The following USP20 variants were observed in gnomAD, a reference collection of about 807,000 sequenced individuals.
USP20 encodes ubiquitin carboxyl-terminal hydrolase 20.
USP20 carries 80 observed loss-of-function variants against 124.2 expected under a neutral mutation model. That is an observed-to-expected ratio of 0.64 (90% CI 0.54 to 0.78). The LOEUF (loss-of-function observed/expected upper bound fraction) is 0.78. Ranked by LOEUF, USP20 falls within the 30% of genes least tolerant of loss-of-function variation. The probability of loss-of-function intolerance (pLI) is 0.00; values close to 1 mark genes in which losing one functional copy is unlikely to be tolerated. For missense variants in USP20, 1,043 were observed against 1,244.4 expected (o/e 0.84, Z 2.44); for synonymous variants, 481 against 512.3 (o/e 0.94, Z 0.83).
chr9:129,861,426 C>G, intron 7 of USP20, 117 bp from the exon 8 acceptor site: 1 of 899,984 alleles, frequency 1.1e-6, no homozygotes, highest in Non-Finnish European at 1.8e-6. Flanking sequence ...TCCACCATGT[C>G]CTCTTCTTGG....
Position 129,852,568 on chromosome 9 carries a change from A to G in USP20, c.13A>G (p.Arg5Gly), listed in dbSNP as rs1192905253. 5 of 1,597,190 alleles carry G rather than the reference A, an allele frequency of 3.1e-6. No individual in the cohort carries two copies. The African/African-American group carries it at 5.4e-5, about 17-fold the overall frequency. The stretch of plus-strand genomic sequence containing the variant: ...AGCCCAGGCCAGGATGGGGGACTCC[A>G]GGGACCTTTGCCCTCACCTTGACTC... MGDSRDLCPHLDSIG... is the reference protein window; with the variant it reads MGDSGDLCPHLDSIG... Residue 5 changes from arginine (R) to glycine (G), a missense_variant, in exon 3 of 26, where the codon AGG becomes GGG. By Grantham distance (125) the Arg-to-Gly change is moderately radical (BLOSUM62 -2). Transcript: ENST00000372429.
chr9:129,862,712 C>G (rs2033612750), intron 8 of USP20, among the ~76,000 whole-genome samples: 1 of 151,988 alleles, frequency 6.6e-6, no homozygotes, highest in Non-Finnish European at 1.5e-5. Context: ...TCAAGACCAG[C>G]CTGGCCAACT....
In USP20 at chr9:129,865,371, A is replaced by G. The variant is rs1167688106; in HGVS notation, c.680A>G (p.Tyr227Cys). ...TTGGTCAACCCAATGTTCCGAGGCT[A>G]TGCCCAGCAGGTAAGCCATCTGAGC... ...IKLVNPMFRG[Y>C]AQQDTQEFLR... The change falls in exon 10 of 26, where the codon TAT becomes TGT. Residue 227 changes from tyrosine to cysteine, a missense_variant. Transcript: ENST00000372429. 8.1e-6 allele frequency: 13 copies of G among 1,614,062 alleles called. No homozygotes were observed. The highest frequency in any genetic ancestry group is 2.2e-5 in the East Asian group (1 of 44,896).
At chr9:129,869,077 GC>G (rs2033981836) in intron 12 of USP20, 75 bp downstream of exon 12, 1 of 1,498,296 alleles carries the variant, frequency 6.7e-7, no homozygotes, top group Non-Finnish European at 8.9e-7. Context: ...CTTTCTCATG[GC>G]CCCCTGTGGC....
intron 1 of USP20, among the ~76,000 whole-genome samples, chr9:129,847,605 T>G (rs2131042150): frequency 6.6e-6 from 1 of 152,294 alleles, no homozygotes; most frequent in South Asian, 2.1e-4. Context: ...CTGGCCTCAT[T>G]CTGATTTAAA....
At chr9:129,871,689 G>A (rs1278822280) in intron 15 of USP20, among the ~76,000 whole-genome samples, 1 of 152,122 alleles carries the variant, frequency 6.6e-6, no homozygotes, top group Non-Finnish European at 1.5e-5. Context: ...GGTATGAGGT[G>A]GTATCTCATT....
chr9:129,870,045 TC>T, intron 14 of USP20: 1 of 653,878 alleles, frequency 1.5e-6, no homozygotes, highest in East Asian at 2.8e-5. Context: ...GATTGGATAG[TC>T]CCTTGGAGCT....
chr9:129,878,529 T>C (rs1304461484), intron 23 of USP20, 89 bp downstream of exon 23: 1 of 1,212,318 alleles, frequency 8.2e-7, no homozygotes, highest in Non-Finnish European at 1.1e-6. Context: ...ACACAGGGGC[T>C]CCTGCAGGCC....
chr9:129,874,576 A>T lies in USP20; in HGVS notation c.1741A>T (p.Ile581Phe). 6.2e-7 allele frequency: 1 copy of T among 1,613,532 alleles called. No homozygotes were observed. Residue 581 changes from isoleucine to phenylalanine, a missense_variant and splice_region_variant, in exon 18 of 26, where the codon ATC (isoleucine) becomes TTC (phenylalanine). By Grantham distance (21) the Ile-to-Phe change is conservative. Transcript: ENST00000372429. ...KYCKVLRLPE[I>F]LCIHLKRFRH... ...ACCGGCGCTCTCTCTGTCCCCGCAG[A>T]TCCTGTGCATTCACCTAAAGCGCTT...
intron 4 of USP20, 134 bp downstream of exon 4, chr9:129,856,494 C>A: frequency 1.9e-6 from 2 of 1,072,916 alleles, no homozygotes; most frequent in Non-Finnish European, 2.8e-6. Flanking sequence ...AAACCTTGGG[C>A]TGGGGCACAG....
chr9:129,859,858 G>A (rs977638224), intron 6 of USP20, among the ~76,000 whole-genome samples: 2 of 152,078 alleles, frequency 1.3e-5, no homozygotes, highest in Non-Finnish European at 2.9e-5. Flanking sequence ...AACAGCGTGA[G>A]ACCCTGTCTC....
At chr9:129,875,774 C>G (rs1379920604) in intron 21 of USP20, 133 bp downstream of exon 21, 2 of 821,208 alleles carry the variant, frequency 2.4e-6, no homozygotes, top group Non-Finnish European at 3.8e-6. Flanking sequence ...CAGCACAGAG[C>G]CGCCTTCACT....
Position 129,839,230 on chromosome 9 carries a change from G to A in USP20, c.-129+3731G>A, listed in dbSNP as rs2032052753. Among the ~76,000 whole-genome samples the A allele has an allele frequency of 6.6e-6, 1 of 152,220 alleles. No individual in the cohort carries two copies. Among genetic ancestry groups the A allele is most frequent in the East Asian group, 1.9e-4 (1 of 5,194 alleles). On this transcript the variant is annotated intron_variant, in intron 1 of 25. Coordinates refer to ENST00000372429, the MANE Select transcript of USP20 (RefSeq NM_001110303.4). This position sits in a 1 kb window ranked among gnomAD's most constrained non-coding sequence, Gnocchi z 4.5. Reference sequence around the variant, plus strand: ...CTGAGCCTCGGTGTCTCCATTGTTAGTGATGGAGATGGATTTAGTTTGGAA... The same window carrying A: ...CTGAGCCTCGGTGTCTCCATTGTTAATGATGGAGATGGATTTAGTTTGGAA...
In USP20 at chr9:129,868,131, G is replaced by T. The variant is rs745953204; in HGVS notation, c.817G>T (p.Glu273Ter). 1 of 1,614,212 alleles carries T rather than the reference G, an allele frequency of 6.2e-7. No individual in the cohort carries two copies. The highest frequency in any genetic ancestry group is 8.5e-7 in the Non-Finnish European group (1 of 1,180,022). The change falls in exon 11 of 26, where the codon GAG (glutamate) becomes TAG (stop). Residue 273 changes from glutamate to a stop codon, truncating the protein, a stop_gained. Coordinates refer to ENST00000372429, the MANE Select transcript of USP20 (RefSeq NM_001110303.4). LOFTEE classifies it high-confidence loss of function. ...SDSSDTDEKR[E>*]GDRSPSEDEF... is the part of the protein sequence containing the mutation. ...TTCGAGTGACACGGATGAGAAACGG[G>T]AGGGTGACCGGAGCCCATCAGAAGA... is the stretch of plus-strand genomic sequence containing the variant.
At chr9:129,840,497 G>T (rs1405495701) in intron 1 of USP20, among the ~76,000 whole-genome samples, 2 of 152,204 alleles carry the variant, frequency 1.3e-5, no homozygotes, top group Admixed American at 1.3e-4. Context: ...GTGAGAAAGG[G>T]AATCTATTTT....
chr9:129,852,643 G>A lies in USP20; in HGVS notation c.81+7G>A. The A allele has an allele frequency of 1.9e-6, 3 of 1,582,668 alleles. No homozygotes were observed. The highest frequency in any genetic ancestry group is 1.2e-5 in the South Asian group (1 of 86,714). On this transcript the variant is annotated splice_region_variant and intron_variant, in intron 3 of 25. Coordinates refer to ENST00000372429, the MANE Select transcript of USP20 (RefSeq NM_001110303.4). ...CTTGCTGCTCAAATCTAAGGTAAAG[G>A]GTCAGACCTTACGGGGCCAGGGCCC...
Position 129,875,451 on chromosome 9 carries a change from C to T in USP20, c.2190C>T (p.Thr730=). The T allele has an allele frequency of 6.2e-7, 1 of 1,613,590 alleles. No homozygotes were observed. Residue 730 remains threonine (T), a synonymous_variant, in exon 20 of 26, where the codon ACC becomes ACT. Coordinates refer to ENST00000372429, the MANE Select transcript of USP20 (RefSeq NM_001110303.4). The stretch of plus-strand genomic sequence containing the variant: ...CCTTCGCGGAGCCAGGCCCCATCAC[C>T]AACCAGACCTTCCTCTGCTCCCACG... ...FNTFAEPGPI[T]NQTFLCSHGG...
intron 1 of USP20, among the ~76,000 whole-genome samples, chr9:129,842,443 T>G (rs536595517): frequency 7.2e-5 from 11 of 152,256 alleles, no homozygotes; most frequent in Non-Finnish European, 1.5e-4. Context: ...CCTGGCTGTT[T>G]CCCAGCACCC....
intron 21 of USP20, 120 bp from the exon 22 acceptor site, chr9:129,876,010 A>G: frequency 1.2e-6 from 1 of 864,860 alleles, no homozygotes; most frequent in Admixed American, 2.5e-5. Context: ...AGGTGCATGC[A>G]GGCCTGCGAC....
Sources: gnomAD v4.1 joint callset for allele counts (sites outside exome capture counted in the v4.1 genomes callset) on GRCh38, gnomAD v4.1.1 for gene constraint, Gnocchi (gnomAD v3.1) non-coding constraint, MANE v1.5 for transcripts, NCBI Gene and HGNC (gene_info 2026-07-23, HGNC 2026-07-21) for gene names.